The following DMD variants were observed in gnomAD, a reference collection of about 807,000 sequenced individuals.
DMD encodes the protein mutant dystrophin.
DMD carries 63 observed loss-of-function variants against 330.1 expected under a neutral mutation model. The ratio of observed to expected loss-of-function variants is 0.19; its 90% confidence interval spans 0.16 to 0.24. The LOEUF (loss-of-function observed/expected upper bound fraction) is 0.24, where lower values mean the gene tolerates loss of function less well. DMD is among the 10% of genes least tolerant of loss of function. DMD has a pLI of 1.00. For missense variants in DMD, 3,344 were observed against 2,684.1 expected, an observed-to-expected ratio of 1.25 and a Z score of -5.43; for synonymous variants, 1,223 against 959.8, an observed-to-expected ratio of 1.27 and a Z score of -5.07.
chrX:31,828,708 C>T (rs757289116), intron 49 of DMD, among the ~76,000 whole-genome samples: 16 of 105,988 alleles, frequency 1.5e-4, no homozygotes, highest in East Asian at 2.9e-4. Context: ...ATACCAGTAA[C>T]GAGCAGCAAG....
chrX:32,878,758 C>T (rs2083596310), intron 2 of DMD, among the ~76,000 whole-genome samples: 1 of 109,719 alleles, frequency 9.1e-6, no homozygotes, highest in Non-Finnish European at 1.9e-5. Flanking sequence ...GCCTGTAAGC[C>T]CAACACTTTG....
intron 48 of DMD, among the ~76,000 whole-genome samples, chrX:31,871,676 A>T (rs1485366399): frequency 9.2e-6 from 1 of 108,762 alleles, no homozygotes; most frequent in African/African-American, 3.3e-5. Flanking sequence ...CCTTTGCATT[A>T]ACTCTTTCTT....
At chrX:31,219,336 A>AC (rs1174719056) in intron 64 of DMD, among the ~76,000 whole-genome samples, 1 of 109,404 alleles carries the variant, frequency 9.1e-6, no homozygotes, top group African/African-American at 3.3e-5. Context: ...GAAATACCAC[A>AC]CCCCTGCAGA....
chrX:31,423,385 G>A (rs535161901), intron 60 of DMD, among the ~76,000 whole-genome samples: 1 of 110,861 alleles, frequency 9.0e-6, no homozygotes, highest in African/African-American at 3.3e-5. Context: ...TTATTTTACT[G>A]GAAAAAAAAA....
At chrX:32,699,829 C>G (rs889732865) in intron 7 of DMD, among the ~76,000 whole-genome samples, 6 of 111,558 alleles carry the variant, frequency 5.4e-5, no homozygotes, top group African/African-American at 1.9e-4. Flanking sequence ...ATAAATTAAA[C>G]AGAAAAATAC....
intron 45 of DMD, among the ~76,000 whole-genome samples, chrX:31,940,421 C>T (rs1487998545): frequency 5.4e-5 from 6 of 111,634 alleles, no homozygotes; most frequent in African/African-American, 2.0e-4. Context: ...AAGTGATGCT[C>T]ATGAATATGA....
chrX:31,816,808 A>ACACACC (rs201377758), intron 50 of DMD, among the ~76,000 whole-genome samples: 13,719 of 108,311 alleles, frequency 0.13, 686 homozygotes, highest in East Asian at 0.19. Context: ...ACACACACAC[A>ACACACC]CACACACACA....
intron 44 of DMD, among the ~76,000 whole-genome samples, chrX:32,092,713 C>T (rs1402389097): frequency 2.7e-5 from 2 of 74,108 alleles, no homozygotes; most frequent in South Asian, 7.7e-4. Flanking sequence ...ATGTTCATCA[C>T]GTTATTTTCA....
chrX:32,552,154 C>A (rs2049632769), intron 16 of DMD, among the ~76,000 whole-genome samples: 1 of 111,745 alleles, frequency 8.9e-6, no homozygotes, highest in South Asian at 3.7e-4. Flanking sequence ...ACTAAAAGAG[C>A]CAGAATAGCC....
rs750544260 is a variant in DMD at position 31,204,661 on chromosome X, C to T, written c.9650-543G>A. Among the ~76,000 whole-genome samples the T allele has an allele frequency of 3.6e-5, 4 of 112,009 alleles. No homozygotes were observed. In the South Asian group the frequency reaches 1.1e-3, roughly 32 times the overall value. On this transcript the variant is annotated intron_variant, in intron 66 of 78. Transcript: ENST00000357033. The stretch of plus-strand genomic sequence containing the variant: ...TTTTTGAGACGGAGTCTTGCTCTGT[C>T]GCCCAGGCTGCAGTGCAGTGGTGCG...
rs776501693 is a variant in DMD at position 31,351,157 on chromosome X, T to TACACACACACACACAC, written c.9085-2524_9085-2523insGTGTGTGTGTGTGTGT. Among the ~76,000 whole-genome samples the TACACACACACACACAC allele has an allele frequency of 4.1e-3, 326 of 79,886 alleles. 2 individuals are homozygous for TACACACACACACACAC. Among genetic ancestry groups the TACACACACACACACAC allele is most frequent in the African/African-American group, 0.016 (302 of 19,350 alleles). The allele number at this position is 79,886 out of a possible 115,157, so 69.4% of individuals were successfully genotyped here. On this transcript the variant is annotated intron_variant, in intron 60 of 78. Coordinates refer to ENST00000357033, the MANE Select transcript of DMD (RefSeq NM_004006.3). ...ATTCACACACACATAGACATACATA[T>TACACACACACACACAC]ATACACACACACACACACACACATA... is the stretch of plus-strand genomic sequence containing the variant.
At chrX:32,306,644 C>G (rs2097541354) in intron 42 of DMD, among the ~76,000 whole-genome samples, 1 of 110,588 alleles carries the variant, frequency 9.0e-6, no homozygotes, top group Non-Finnish European at 1.9e-5. Flanking sequence ...TTTATTTCCT[C>G]CTTGTTTCTC....
At chrX:31,943,046 G>A (rs1225076865) in intron 45 of DMD, among the ~76,000 whole-genome samples, 1 of 112,169 alleles carries the variant, frequency 8.9e-6, no homozygotes, top group African/African-American at 3.2e-5. Context: ...CTCACCACCT[G>A]TTTTTGTAAA....
At chrX:32,498,222 A>C (rs764874700) in intron 19 of DMD, among the ~76,000 whole-genome samples, 1 of 111,379 alleles carries the variant, frequency 9.0e-6, no homozygotes, top group Admixed American at 9.6e-5. Flanking sequence ...AATTACAGCT[A>C]TCCAAAAATG....
chrX:31,432,032 C>T (rs1473924410), intron 60 of DMD, among the ~76,000 whole-genome samples: 1 of 110,866 alleles, frequency 9.0e-6, no homozygotes, highest in Non-Finnish European at 1.9e-5. Flanking sequence ...TCAGGCTGGT[C>T]TCGAACGCCT....
chrX:31,218,623 CA>C (rs887976633), intron 64 of DMD, among the ~76,000 whole-genome samples: 3 of 111,706 alleles, frequency 2.7e-5, no homozygotes, highest in African/African-American at 9.8e-5. Flanking sequence ...CTCATGAAAA[CA>C]TATTGAACCA....
chrX:31,434,432 A>AGTG (rs1569541947), intron 60 of DMD, among the ~76,000 whole-genome samples: 1 of 85,974 alleles, frequency 1.2e-5, no homozygotes, highest in African/African-American at 4.8e-5. Context: ...ACACACACAC[A>AGTG]CACACACACA....
intron 31 of DMD, among the ~76,000 whole-genome samples, 163 bp from the exon 32 acceptor site, chrX:32,389,837 T>C (rs1175858765): frequency 8.9e-6 from 1 of 111,812 alleles, no homozygotes; most frequent in Non-Finnish European, 1.9e-5. Flanking sequence ...AAAACATACA[T>C]TTGGGAGAAT....
intron 1 of DMD, among the ~76,000 whole-genome samples, chrX:33,124,529 C>A (rs1044151400): frequency 3.3e-5 from 3 of 91,708 alleles, no homozygotes; most frequent in Non-Finnish European, 6.3e-5. Context: ...AATAAAAATA[C>A]CCTGTCTTTA....
Sources: gnomAD v4.1 joint callset for allele counts (sites outside exome capture counted in the v4.1 genomes callset) on GRCh38, gnomAD v4.1.1 for gene constraint, MANE v1.5 for transcripts, NCBI Gene and HGNC (gene_info 2026-07-23, HGNC 2026-07-21) for gene names.